The following PTPRN2 variants were observed in gnomAD, a reference collection of about 807,000 sequenced individuals.
PTPRN2 encodes protein tyrosine phosphatase receptor type N2.
In PTPRN2, 74 loss-of-function variants were observed where a neutral mutation model predicts 118.8. The ratio of observed to expected loss-of-function variants is 0.62; its 90% CI spans 0.52 to 0.76. The LOEUF is 0.76. PTPRN2 is among the 30% of genes least tolerant of loss of function. The pLI is 0.00. For missense variants in PTPRN2, 1,481 were observed against 1,394.4 expected, an observed-to-expected ratio of 1.06 and a Z score of -0.99; for synonymous variants, 641 against 608.0, an observed-to-expected ratio of 1.05 and a Z score of -0.80.
chr7:157,584,469 G>C (rs1800555986), intron 17 of PTPRN2, among the ~76,000 whole-genome samples: 1 of 152,224 alleles, frequency 6.6e-6, no homozygotes, highest in Non-Finnish European at 1.5e-5. Flanking sequence ...TCAAAGGCTT[G>C]CATGGCAGAA....
At chr7:158,376,274 C>A (rs1413255078) in intron 2 of PTPRN2, among the ~76,000 whole-genome samples, 1 of 151,804 alleles carries the variant, frequency 6.6e-6, no homozygotes, top group East Asian at 1.9e-4. Flanking sequence ...GACTCCCCCA[C>A]AGCCCTGTCA....
chr7:157,754,792 C>T (rs757694867), intron 12 of PTPRN2, among the ~76,000 whole-genome samples: 4 of 152,216 alleles, frequency 2.6e-5, no homozygotes, highest in South Asian at 2.1e-4. Context: ...TAAAAGGTGG[C>T]GTAAACACTG....
At chr7:157,891,867 C>A (rs1796829048) in intron 12 of PTPRN2, among the ~76,000 whole-genome samples, 1 of 152,206 alleles carries the variant, frequency 6.6e-6, no homozygotes, top group African/African-American at 2.4e-5. Flanking sequence ...CCACACTGGA[C>A]AGAGAGAAGG....
intron 3 of PTPRN2, among the ~76,000 whole-genome samples, chr7:158,279,125 C>G (rs1275342123): frequency 6.6e-6 from 1 of 152,234 alleles, no homozygotes; most frequent in Non-Finnish European, 1.5e-5. Flanking sequence ...GCTGCTGGCT[C>G]TGGCAGCCTG....
Position 157,595,325 on chromosome 7 carries a change from C to T in PTPRN2, c.2419-10G>A. ...TCGGGTCGTGATCCATCTGCAGAGA[C>T]AAGACCACACCACAGCGGTTAGCCA... On this transcript the variant is annotated splice_polypyrimidine_tract_variant and intron_variant, in intron 16 of 22. Transcript: ENST00000389418. 3 of 1,613,268 alleles carry T rather than the reference C, an allele frequency of 1.9e-6. No individual in the cohort carries two copies. Among genetic ancestry groups the T allele is most frequent in the Non-Finnish European group, 2.5e-6 (3 of 1,179,680 alleles).
intron 5 of PTPRN2, among the ~76,000 whole-genome samples, chr7:158,190,191 C>A (rs1266265365): frequency 6.6e-6 from 1 of 152,152 alleles, no homozygotes; most frequent in Non-Finnish European, 1.5e-5. Flanking sequence ...GGGCCACTAC[C>A]CCTGGTTTAC....
Position 157,984,750 on chromosome 7 carries a change from A to T in PTPRN2, c.1724-86013T>A, listed in dbSNP as rs556981301. 5.8e-4 allele frequency among the ~76,000 whole-genome samples: 89 copies of T among 152,230 alleles called. 2 individuals are homozygous for T. In the South Asian group the frequency reaches 0.018, roughly 30 times the overall value. On this transcript the variant is annotated intron_variant, in intron 11 of 22. Transcript: ENST00000389418. ...TCTCCCCACATGCAGCTCATCCCCGACATGGGCTCTTATCCCACCAACCGC... is the reference window on the plus strand; with the variant it reads ...TCTCCCCACATGCAGCTCATCCCCGTCATGGGCTCTTATCCCACCAACCGC...
In PTPRN2 at chr7:158,171,230, CAT is replaced by C. The variant is rs112858236; in HGVS notation, c.550-3941_550-3940del. On this transcript the variant is annotated intron_variant, in intron 5 of 22. Coordinates refer to ENST00000389418, the MANE Select transcript of PTPRN2 (RefSeq NM_002847.5). ...CTATATATACACACATATATACACACATATATATACACATATATACACACATA... is the reference window on the plus strand; with the variant it reads ...CTATATATACACACATATATACACACATATATACACATATATACACACATA... Among the ~76,000 whole-genome samples the C allele has an allele frequency of 9.0e-3, 1,136 of 126,410 alleles. 105 individuals carry two copies. The highest frequency in any genetic ancestry group is 0.037 in the African/African-American group (1,022 of 27,458). The allele number at this position is 126,410 out of a possible 152,430, so 82.9% of individuals were successfully genotyped here. A position where few individuals can be genotyped will look rare whatever the true frequency, so the allele number is the denominator to read the frequency against.
At chr7:157,667,755 G>A (rs530967052) in intron 13 of PTPRN2, among the ~76,000 whole-genome samples, 1 of 152,316 alleles carries the variant, frequency 6.6e-6, no homozygotes, top group East Asian at 1.9e-4. Context: ...CTCCCCACGG[G>A]GCAGCGTTTG....
At chr7:157,639,787 A>T (rs566254532) in intron 14 of PTPRN2, among the ~76,000 whole-genome samples, 44 of 152,190 alleles carry the variant, frequency 2.9e-4, no homozygotes, top group African/African-American at 9.6e-4. Flanking sequence ...CAACAACCAC[A>T]CCCTTAGCAA....
intron 8 of PTPRN2, among the ~76,000 whole-genome samples, chr7:158,134,994 C>T (rs1203593526): frequency 2.0e-5 from 3 of 152,184 alleles, no homozygotes; most frequent in South Asian, 2.1e-4. Flanking sequence ...CCGCACTGCC[C>T]TCCCAGGCAC....
chr7:158,519,666 C>CA (rs1823838532), intron 1 of PTPRN2, among the ~76,000 whole-genome samples: 1 of 152,164 alleles, frequency 6.6e-6, no homozygotes, highest in South Asian at 2.1e-4. Flanking sequence ...AGTGGCCATA[C>CA]AACATCCCCA....
chr7:158,571,007 C>G (rs1827998983), intron 1 of PTPRN2, among the ~76,000 whole-genome samples: 1 of 152,276 alleles, frequency 6.6e-6, no homozygotes, highest in Non-Finnish European at 1.5e-5. Context: ...GGCTGACGCA[C>G]TGGCAGGAGC....
intron 11 of PTPRN2, among the ~76,000 whole-genome samples, chr7:158,066,606 T>C (rs1347097307): frequency 1.3e-5 from 2 of 152,174 alleles, no homozygotes; most frequent in Non-Finnish European, 2.9e-5. Context: ...AAAGTAGTTT[T>C]CCCTACAGGA....
chr7:158,420,324 C>G (rs1815144739), intron 2 of PTPRN2, among the ~76,000 whole-genome samples: 1 of 152,182 alleles, frequency 6.6e-6, no homozygotes, highest in South Asian at 2.1e-4. Flanking sequence ...CCCTCTGACT[C>G]TTGCTGACCA....
Position 158,456,141 on chromosome 7 carries a change from A to G in PTPRN2, c.163+33594T>C, listed in dbSNP as rs570404315. Among the ~76,000 whole-genome samples, 9 of 150,240 alleles carry G rather than the reference A, an allele frequency of 6.0e-5. No homozygotes were observed. In the East Asian group the frequency reaches 1.8e-3, roughly 30 times the overall value. On this transcript the variant is annotated intron_variant, in intron 2 of 22. Coordinates refer to ENST00000389418, the MANE Select transcript of PTPRN2 (RefSeq NM_002847.5). ...AGCCACCCATCACTCTTCAGAGAAG[A>G]TAACGGCATGGACGCCATCAGCCAC...
chr7:158,025,472 G>C (rs939453728), intron 11 of PTPRN2, among the ~76,000 whole-genome samples: 1 of 152,180 alleles, frequency 6.6e-6, no homozygotes, highest in African/African-American at 2.4e-5. Context: ...AGGCTGAATT[G>C]TGTGGCCAAC....
At chr7:157,963,759 T>C (rs1801703070) in intron 11 of PTPRN2, among the ~76,000 whole-genome samples, 1 of 152,116 alleles carries the variant, frequency 6.6e-6, no homozygotes, top group African/African-American at 2.4e-5. Context: ...AGCACCTCGG[T>C]GCTAGTCCAC....
rs536933513 is a variant in PTPRN2 at position 158,126,042 on chromosome 7, G to A, written c.1556+7635C>T. 2.6e-3 allele frequency among the ~76,000 whole-genome samples: 388 copies of A among 147,540 alleles called. 4 individuals are homozygous for A. The highest frequency in any genetic ancestry group is 6.8e-3 in the African/African-American group (269 of 39,524). ...GAGCGGGCGGCGGAACTTCCTCTCC[G>A]CCACACCAGCCCCCAGGACAGCGGG... On this transcript the variant is annotated intron_variant, in intron 9 of 22. Transcript: ENST00000389418.
Sources: gnomAD v4.1 joint callset for allele counts (sites outside exome capture counted in the v4.1 genomes callset) on GRCh38, gnomAD v4.1.1 for gene constraint, MANE v1.5 for transcripts, NCBI Gene and HGNC (gene_info 2026-07-23, HGNC 2026-07-21) for gene names.